Variants in POLD1 observed in about 807,000 individuals in gnomAD.
POLD1 encodes DNA polymerase delta catalytic subunit.
A neutral mutation model predicts 129.7 loss-of-function variants in POLD1; 79 were observed. That is an observed-to-expected ratio of 0.61 (90% CI 0.51 to 0.73). POLD1 has a LOEUF of 0.73. Ranked by LOEUF, POLD1 falls within the 30% of genes least tolerant of loss-of-function variation. The probability of loss-of-function intolerance (pLI) is 0.00; values close to 1 mark genes in which losing one functional copy is unlikely to be tolerated. For missense variants in POLD1, 1,338 were observed against 1,595.8 expected (o/e 0.84, Z 2.75); for synonymous variants, 714 against 683.3 (o/e 1.04, Z -0.70).
In POLD1 at chr19:50,409,628, G is replaced by A. The variant is rs1363178844; in HGVS notation, c.2116G>A (p.Ala706Thr). The A allele has an allele frequency of 1.2e-6, 2 of 1,607,740 alleles. No homozygotes were observed. The highest frequency in any genetic ancestry group is 1.7e-6 in the Non-Finnish European group (2 of 1,175,736). ...SANSVYGFTG[A>T]QVGKLPCLEI... The stretch of plus-strand genomic sequence containing the variant: ...CAACTCCGTATACGGCTTCACTGGC[G>A]CCCAGGTGGGCAAGTTGCCGTGCCT... Residue 706 changes from alanine to threonine, a missense_variant, in exon 17 of 27, where the codon GCC becomes ACC. This residue lies in a region of POLD1 where 720 missense variants were observed against 1,002.6 expected (regional missense o/e 0.72). Coordinates refer to ENST00000440232, the MANE Select transcript of POLD1 (RefSeq NM_002691.4). This position sits in a 1 kb window ranked among gnomAD's most constrained non-coding sequence, Gnocchi z 5.8.
At chr19:50,413,567 G>T (rs138169420) in intron 18 of POLD1, 46 bp downstream of exon 18, 43 of 1,559,688 alleles carry the variant, frequency 2.8e-5, no homozygotes, top group African/African-American at 1.4e-5. Flanking sequence ...CAGGGCAGGT[G>T]GGGGGATGGA....
At chr19:50,401,299 T>C (rs996549738) in intron 3 of POLD1, among the ~76,000 whole-genome samples, 2 of 145,166 alleles carry the variant, frequency 1.4e-5, no homozygotes, top group Non-Finnish European at 3.0e-5. Context: ...TATTATATAT[T>C]AATATATTTT....
chr19:50,393,108 G>A (rs898438444), intron 1 of POLD1, among the ~76,000 whole-genome samples: 9 of 152,108 alleles, frequency 5.9e-5, no homozygotes, highest in African/African-American at 1.9e-4. Flanking sequence ...TACAGTGTAC[G>A]TCCCTAGATG....
rs543459325 is a variant in POLD1, at chr19:50,404,819, A to T, written c.1242+1222A>T. On this transcript the variant is annotated intron_variant, in intron 10 of 26. Coordinates refer to ENST00000440232, the MANE Select transcript of POLD1 (RefSeq NM_002691.4). ...GCCCAGGCTGGAGTGCAATGGCACG[A>T]TCTTGGCTCACCACAACCTCCGCCT... 7.0e-4 allele frequency among the ~76,000 whole-genome samples: 106 copies of T among 151,480 alleles called. 1 individual carries two copies. Among genetic ancestry groups the T allele is most frequent in the African/African-American group, 2.3e-3 (95 of 41,186 alleles).
Position 50,402,635 on chromosome 19 carries a change from G to A in POLD1, c.864G>A (p.Ala288=), listed in dbSNP as rs781735549. 49 of 1,578,468 alleles carry A rather than the reference G, an allele frequency of 3.1e-5. No homozygotes were observed. Among genetic ancestry groups the A allele is most frequent in the African/African-American group, 1.1e-4 (8 of 74,452 alleles). The change falls in exon 8 of 27, where the codon GCG becomes GCA. Residue 288 remains alanine (A), a synonymous_variant. Coordinates refer to ENST00000440232, the MANE Select transcript of POLD1 (RefSeq NM_002691.4). The part of the protein sequence containing the change: ...KEKATQCQLE[A]DVLWSDVVSH... ...AGGCTACGCAGTGCCAGCTGGAGGC[G>A]GACGTGCTGTGGTCTGACGTGGTCA...
chr19:50,402,186 C>G lies in POLD1; in HGVS notation c.590-19C>G, dbSNP rs2122242533. 6.3e-7 allele frequency: 1 copy of G among 1,584,338 alleles called. No homozygotes were observed. On this transcript the variant is annotated intron_variant, in intron 5 of 26. Coordinates refer to ENST00000440232, the MANE Select transcript of POLD1 (RefSeq NM_002691.4). ...CCCTCGGGAGGCCATTGGCTGGTCC[C>G]AGCTTCTTCCATCCACAGGCATGTT... is the stretch of plus-strand genomic sequence containing the variant.
chr19:50,403,723 G>A, intron 10 of POLD1, 126 bp downstream of exon 10: 1 of 703,288 alleles, frequency 1.4e-6, no homozygotes, highest in East Asian at 2.6e-5. Context: ...TCAGCCGATT[G>A]CCTGCAGGGG....
At chr19:50,407,954 T>C (rs1030617022) in intron 14 of POLD1, among the ~76,000 whole-genome samples, 5 of 151,682 alleles carry the variant, frequency 3.3e-5, no homozygotes, top group Non-Finnish European at 5.9e-5. Context: ...GGGAGGATGA[T>C]GAGCCCAGGA....
chr19:50,384,616 G>A (rs1012915654), intron 1 of POLD1, among the ~76,000 whole-genome samples: 2 of 151,936 alleles, frequency 1.3e-5, no homozygotes, highest in Non-Finnish European at 2.9e-5. Context: ...CGCATGCGCC[G>A]GGCACCGTGG....
rs2039026115 is a variant in POLD1 at position 50,409,692 on chromosome 19, A to T, written c.2154+26A>T. ...GTGGGCACTCGGGCCCCTGGAAGGC[A>T]ACTGGGGGCAGGTGGGCCCCCTGTG... is the stretch of plus-strand genomic sequence containing the variant. On this transcript the variant is annotated intron_variant, in intron 17 of 26. Coordinates refer to ENST00000440232, the MANE Select transcript of POLD1 (RefSeq NM_002691.4). The surrounding 1 kb of genome is among the most constrained non-coding windows in gnomAD (Gnocchi z 5.8). 1 of 1,578,916 alleles carries T rather than the reference A, an allele frequency of 6.3e-7. No individual in the cohort carries two copies. Among genetic ancestry groups the T allele is most frequent in the African/African-American group, 1.3e-5 (1 of 74,082 alleles).
At chr19:50,405,658 G>A (rs1301799192) in intron 10 of POLD1, among the ~76,000 whole-genome samples, 1 of 152,128 alleles carries the variant, frequency 6.6e-6, no homozygotes, top group Non-Finnish European at 1.5e-5. Context: ...TGATGCCCGG[G>A]CCATGGTACT....
At position 50,402,066 on chromosome 19, in the gene POLD1, CG is replaced by C. The variant is rs1568619502; in HGVS notation, c.537del (p.Arg180GlyfsTer3). ...ACTTGGCCATCAGCCGGGACAGTCG[CG>C]GGGGGAGGGAGCTGACTGGGCCGGC... Reference protein sequence around the residue: ...LNLAISRDSRGGRELTGPAVL... With the variant: ...LNLAISRDSRXGRELTGPAVL... On this transcript the variant is annotated frameshift_variant, in exon 5 of 27. Transcript: ENST00000440232. LOFTEE classifies it high-confidence loss of function. The C allele has an allele frequency of 1.2e-6, 2 of 1,613,954 alleles. No homozygotes were observed. Among genetic ancestry groups the C allele is most frequent in the Non-Finnish European group, 1.7e-6 (2 of 1,179,956 alleles).
In POLD1 at chr19:50,401,769, A is replaced by G. The variant is rs1555789722; in HGVS notation, c.317-9A>G. 6.2e-7 allele frequency: 1 copy of G among 1,611,122 alleles called. No individual in the cohort carries two copies. Among genetic ancestry groups the G allele is most frequent in the Non-Finnish European group, 8.5e-7 (1 of 1,179,714 alleles). On this transcript the variant is annotated splice_polypyrimidine_tract_variant and intron_variant, in intron 3 of 26. Coordinates refer to ENST00000440232, the MANE Select transcript of POLD1 (RefSeq NM_002691.4). ...GGCATGGCCGCTGTCTTACCCTGTGACCCCACAGGCCCAGCGCAGCCTGTG... is the reference window on the plus strand; with the variant it reads ...GGCATGGCCGCTGTCTTACCCTGTGGCCCCACAGGCCCAGCGCAGCCTGTG...
At chr19:50,401,391 A>ATTTTTTTTTTTTTTTTTTTT (rs1203165864) in intron 3 of POLD1, among the ~76,000 whole-genome samples, 2 of 65,990 alleles carry the variant, frequency 3.0e-5, no homozygotes, top group Non-Finnish European at 2.6e-5. Flanking sequence ...ATATATATAT[A>ATTTTTTTTTTTTTTTTTTTT]TTTTTTTTTT....
chr19:50,399,132 A>G lies in POLD1; in HGVS notation c.202+79A>G. The G allele has an allele frequency of 6.5e-6, 10 of 1,547,452 alleles. No individual in the cohort carries two copies. In the South Asian group the frequency reaches 8.4e-5, roughly 13 times the overall value. The stretch of plus-strand genomic sequence containing the variant: ...CCTTTGGTCCAAGAGTCAGCTGCAA[A>G]GCTGACCTGTGACCCCACTCTGGCC... On this transcript the variant is annotated intron_variant, in intron 2 of 26. Coordinates refer to ENST00000440232, the MANE Select transcript of POLD1 (RefSeq NM_002691.4).
intron 14 of POLD1, 97 bp from the exon 15 acceptor site, chr19:50,408,688 T>A: frequency 6.5e-7 from 1 of 1,530,060 alleles, no homozygotes; most frequent in Non-Finnish European, 8.8e-7. Context: ...AGCCAATGAA[T>A]GATTTTTTTT....
At chr19:50,417,126 C>A in intron 25 of POLD1, 29 bp downstream of exon 25, 1 of 1,571,300 alleles carries the variant, frequency 6.4e-7, no homozygotes, top group East Asian at 2.4e-5. Flanking sequence ...GAGGAGGGGC[C>A]AGGTGGGGAG....
chr19:50,406,158 G>T lies in POLD1; in HGVS notation c.1243-24G>T, dbSNP rs746428536. 6.2e-7 allele frequency: 1 copy of T among 1,607,048 alleles called. No individual in the cohort carries two copies. The highest frequency in any genetic ancestry group is 1.1e-5 in the South Asian group (1 of 90,658). Reference sequence around the variant, plus strand: ...ATGTGACGGGGACCCGCAGCCTGCTGCACACCCTGCCTCTCCTCCTCAGGT... The same window carrying T: ...ATGTGACGGGGACCCGCAGCCTGCTTCACACCCTGCCTCTCCTCCTCAGGT... On this transcript the variant is annotated intron_variant, in intron 10 of 26. Coordinates refer to ENST00000440232, the MANE Select transcript of POLD1 (RefSeq NM_002691.4). The surrounding 1 kb of genome is among the most constrained non-coding windows in gnomAD (Gnocchi z 5.5).
rs202091056 is a variant in POLD1, at chr19:50,417,807, G to T, written c.3219-35G>T. On this transcript the variant is annotated intron_variant, in intron 26 of 26. Coordinates refer to ENST00000440232, the MANE Select transcript of POLD1 (RefSeq NM_002691.4). ...CTCCCAGGCTGGGCACTGGGCCTTGGCTGGTCCTGACCCTGCCCCTGCCCC... is the reference window on the plus strand; with the variant it reads ...CTCCCAGGCTGGGCACTGGGCCTTGTCTGGTCCTGACCCTGCCCCTGCCCC... 8.6e-6 allele frequency: 12 copies of T among 1,392,090 alleles called. No individual in the cohort carries two copies. Among genetic ancestry groups the T allele is most frequent in the Non-Finnish European group, 9.9e-7 (1 of 1,008,560 alleles). 86.2% of individuals were successfully genotyped at this position (1,392,090 alleles called of 1,614,324 possible).
Sources: gnomAD v4.1 joint callset for allele counts (sites outside exome capture counted in the v4.1 genomes callset) on GRCh38, gnomAD v4.1.1 for gene constraint, gnomAD v4.1.1 regional missense constraint, Gnocchi (gnomAD v3.1) non-coding constraint, MANE v1.5 for transcripts, NCBI Gene and HGNC (gene_info 2026-07-23, HGNC 2026-07-21) for gene names.